The following MYO1B variants were observed in gnomAD, a reference collection of about 807,000 sequenced individuals.
The protein encoded by MYO1B is unconventional myosin-Ib.
In MYO1B, 72 loss-of-function variants were observed where a neutral mutation model predicts 159.7. The observed-to-expected ratio is 0.45, with a 90% CI of 0.37 to 0.55. The LOEUF is 0.55. Among genes scored for constraint, MYO1B ranks in the 20% least tolerant of loss-of-function variants. The pLI is 0.00. For missense variants in MYO1B, 1,062 were observed against 1,364.8 expected (o/e 0.78, Z 3.50); for synonymous variants, 468 against 473.8 (o/e 0.99, Z 0.16).
intron 13 of MYO1B, among the ~76,000 whole-genome samples, chr2:191,378,146 G>A (rs369738932): frequency 7.9e-5 from 12 of 152,224 alleles, no homozygotes; most frequent in African/African-American, 2.4e-4. Context: ...ACTACACAGG[G>A]ATGTGTCCCT....
At chr2:191,311,720 TAAAGA>T (rs1410626656) in intron 3 of MYO1B, among the ~76,000 whole-genome samples, 1 of 152,222 alleles carries the variant, frequency 6.6e-6, no homozygotes, top group Non-Finnish European at 1.5e-5. Context: ...GGAAATGTAT[TAAAGA>T]AAAGTGTTAC....
At chr2:191,292,244 A>T (rs1025251036) in intron 2 of MYO1B, among the ~76,000 whole-genome samples, 1 of 152,186 alleles carries the variant, frequency 6.6e-6, no homozygotes, top group Non-Finnish European at 1.5e-5. Context: ...GTAGGTATTG[A>T]TGAAAAGAGT....
At chr2:191,293,270 G>A (rs1336270503) in intron 2 of MYO1B, among the ~76,000 whole-genome samples, 1 of 152,222 alleles carries the variant, frequency 6.6e-6, no homozygotes. Flanking sequence ...CAAATGGGAA[G>A]TGCATGCAGG....
At chr2:191,389,713 G>A (rs1695626639) in intron 17 of MYO1B, among the ~76,000 whole-genome samples, 2 of 152,230 alleles carry the variant, frequency 1.3e-5, no homozygotes, top group South Asian at 4.1e-4. Flanking sequence ...AAGGAGAACA[G>A]ATATAGGGAG....
At chr2:191,326,764 G>A (rs1009944960) in intron 3 of MYO1B, among the ~76,000 whole-genome samples, 1 of 133,800 alleles carries the variant, frequency 7.5e-6, no homozygotes, top group South Asian at 2.7e-4. Flanking sequence ...CCTTGTGTTT[G>A]TATATATGTG....
chr2:191,362,374 A>G lies in MYO1B; in HGVS notation c.765+3A>G. The G allele has an allele frequency of 1.2e-6, 2 of 1,611,210 alleles. No homozygotes were observed. Among genetic ancestry groups the G allele is most frequent in the Non-Finnish European group, 1.7e-6 (2 of 1,177,622 alleles). ...CAGCAAATTTTAGAACCGTGCGGGT[A>G]AGATGTAGTACTTTCATCAAGCTTT... On this transcript the variant is annotated splice_donor_region_variant and intron_variant, in intron 9 of 30. Transcript: ENST00000392318.
chr2:191,319,580 C>T (rs1046779206), intron 3 of MYO1B, among the ~76,000 whole-genome samples: 1 of 152,024 alleles, frequency 6.6e-6, no homozygotes, highest in Non-Finnish European at 1.5e-5. Context: ...ATTTGCAAAC[C>T]TTGTTTGAAT....
chr2:191,270,590 G>A lies in MYO1B; in HGVS notation c.-9-6297G>A, dbSNP rs570612534. Among the ~76,000 whole-genome samples, 9 of 152,146 alleles carry A rather than the reference G, an allele frequency of 5.9e-5. No individual in the cohort carries two copies. In the South Asian group the frequency reaches 1.0e-3, roughly 18 times the overall value. On this transcript the variant is annotated intron_variant, in intron 1 of 30. Coordinates refer to ENST00000392318, the MANE Select transcript of MYO1B (RefSeq NM_001130158.3). The stretch of plus-strand genomic sequence containing the variant: ...AACCCCTCTCAGAGAGATGAGATTC[G>A]GTGCTATTTTAAAAGATCTAGGAAG...
At chr2:191,408,582 C>G (rs911668836) in intron 25 of MYO1B, among the ~76,000 whole-genome samples, 3 of 152,214 alleles carry the variant, frequency 2.0e-5, no homozygotes, top group Non-Finnish European at 2.9e-5. Flanking sequence ...GCTCCACCCA[C>G]ATGGACTCTG....
chr2:191,301,875 A>C (rs1689355525), intron 3 of MYO1B, among the ~76,000 whole-genome samples: 1 of 152,170 alleles, frequency 6.6e-6, no homozygotes, highest in South Asian at 2.1e-4. Flanking sequence ...CAACAGATGG[A>C]TCTTCTAAAA....
chr2:191,406,200 T>A (rs140952312), intron 24 of MYO1B, among the ~76,000 whole-genome samples: 1 of 152,368 alleles, frequency 6.6e-6, no homozygotes, highest in East Asian at 1.9e-4. Context: ...GTTAGGACAT[T>A]GCTCTGGATT....
chr2:191,294,698 T>G (rs1272880746), intron 2 of MYO1B, among the ~76,000 whole-genome samples: 1 of 152,174 alleles, frequency 6.6e-6, no homozygotes, highest in African/African-American at 2.4e-5. Flanking sequence ...GCATGGGAAC[T>G]GAGAGTTTTC....
intron 1 of MYO1B, among the ~76,000 whole-genome samples, chr2:191,249,644 C>T (rs1004498869): frequency 1.3e-5 from 2 of 152,166 alleles, no homozygotes; most frequent in Non-Finnish European, 2.9e-5. Context: ...TTTGTGGATT[C>T]CTCAGAATGC....
At chr2:191,292,290 C>T (rs1688729981) in intron 2 of MYO1B, among the ~76,000 whole-genome samples, 1 of 152,026 alleles carries the variant, frequency 6.6e-6, no homozygotes, top group East Asian at 1.9e-4. Context: ...TTATTCTATG[C>T]CAAATATGAG....
intron 4 of MYO1B, among the ~76,000 whole-genome samples, chr2:191,337,275 T>C (rs1691916911): frequency 6.6e-6 from 1 of 152,236 alleles, no homozygotes; most frequent in Non-Finnish European, 1.5e-5. Context: ...AAGATTATTA[T>C]ATATGAATTT....
chr2:191,319,089 G>A (rs1050897379), intron 3 of MYO1B, among the ~76,000 whole-genome samples: 9 of 152,202 alleles, frequency 5.9e-5, no homozygotes, highest in African/African-American at 1.9e-4. Flanking sequence ...AGGCCGAGTG[G>A]TATATGATAT....
At chr2:191,373,266 G>A (rs995804877) in intron 13 of MYO1B, among the ~76,000 whole-genome samples, 2 of 152,196 alleles carry the variant, frequency 1.3e-5, no homozygotes, top group African/African-American at 2.4e-5. Flanking sequence ...AAATTCAGAT[G>A]TCTAGGCTGT....
chr2:191,276,325 C>T (rs1053942736), intron 1 of MYO1B, among the ~76,000 whole-genome samples: 1 of 152,102 alleles, frequency 6.6e-6, no homozygotes, highest in African/African-American at 2.4e-5. Context: ...TTTAAGTAAC[C>T]ATAGCAAGTT....
chr2:191,364,909 A>G (rs61625592), intron 11 of MYO1B, among the ~76,000 whole-genome samples: 1,531 of 150,552 alleles, frequency 0.01, 27 homozygotes, highest in African/African-American at 0.037. Context: ...GGCCCAAGCA[A>G]CTGGAAACAT....
Sources: allele counts gnomAD v4.1 joint callset (sites outside exome capture counted in the v4.1 genomes callset), GRCh38; gene constraint gnomAD v4.1.1; transcripts MANE v1.5; gene names NCBI Gene and HGNC (gene_info 2026-07-23, HGNC 2026-07-21).